NAV3: variants seen among roughly 807,000 people sequenced by gnomAD.
NAV3 encodes the protein pore membrane and/or filament interacting like protein 1.
Under a neutral mutation model 244.7 loss-of-function variants are expected in NAV3, and 87 were observed. The ratio of observed to expected loss-of-function variants is 0.36; its 90% confidence interval spans 0.30 to 0.42. The LOEUF (loss-of-function observed/expected upper bound fraction) is 0.42, where lower values mean the gene tolerates loss of function less well. Ranked by LOEUF, NAV3 falls within the 20% of genes least tolerant of loss-of-function variation. The pLI is 1.00. For synonymous variants in NAV3, 1,126 were observed against 1,042.2 expected (o/e 1.08, Z -1.55); for missense variants, 2,663 against 2,893.3 (o/e 0.92, Z 1.83).
chr12:77,714,126 A>G (rs1278829525), intron 2 of NAV3, among the ~76,000 whole-genome samples: 1 of 152,146 alleles, frequency 6.6e-6, no homozygotes, highest in Non-Finnish European at 1.5e-5. Flanking sequence ...GAAATTGTAA[A>G]TAAATTAATG....
At chr12:77,627,323 A>G (rs531723624) in intron 2 of NAV3, among the ~76,000 whole-genome samples, 56 of 152,320 alleles carry the variant, frequency 3.7e-4, no homozygotes, top group African/African-American at 1.3e-3. Context: ...CTAAAAATCA[A>G]TACAATCATT....
At chr12:77,986,421 A>G (rs1198897429) in intron 5 of NAV3, among the ~76,000 whole-genome samples, 1 of 152,206 alleles carries the variant, frequency 6.6e-6, no homozygotes, top group East Asian at 1.9e-4. Context: ...TATAATTACC[A>G]CAATAAATAA....
chr12:78,144,887 T>C (rs1366722395), intron 20 of NAV3, among the ~76,000 whole-genome samples: 1 of 121,332 alleles, frequency 8.2e-6, no homozygotes, highest in Non-Finnish European at 1.6e-5. Context: ...GCAGTGCACC[T>C]GAGTGATAGA....
chr12:77,923,988 G>A (rs193168522), intron 1 of NAV3, among the ~76,000 whole-genome samples: 15 of 152,228 alleles, frequency 9.9e-5, no homozygotes, highest in African/African-American at 3.6e-4. Context: ...CTGTACATAA[G>A]GGAGTTGTTC....
chr12:78,093,609 G>A (rs1204408632), intron 12 of NAV3, among the ~76,000 whole-genome samples: 1 of 151,832 alleles, frequency 6.6e-6, no homozygotes. Context: ...TAAACCCTCT[G>A]TTTTAGTTTG....
chr12:77,993,637 C>G (rs767504655), intron 5 of NAV3, among the ~76,000 whole-genome samples: 15 of 152,170 alleles, frequency 9.9e-5, no homozygotes, highest in Non-Finnish European at 2.2e-4. Flanking sequence ...GCTCCCACCA[C>G]CAACTAGCTC....
intron 12 of NAV3, among the ~76,000 whole-genome samples, chr12:78,106,865 A>G (rs1954828630): frequency 6.6e-6 from 1 of 152,160 alleles, no homozygotes; most frequent in African/African-American, 2.4e-5. Flanking sequence ...CCCACCTGAC[A>G]CTGCAGTCCT....
In NAV3 at chr12:78,177,646, A is replaced by G; in HGVS notation, c.5324A>G (p.Lys1775Arg). The change falls in exon 28 of 40, where the codon AAA (lysine) becomes AGA (arginine). Residue 1775 changes from lysine to arginine, a missense_variant. Lys to Arg is a conservative substitution (Grantham distance 26). Around this residue, in one of 6 missense-constraint regions of NAV3, gnomAD observed 193 missense variants for 200.7 expected, o/e 0.96. Transcript: ENST00000397909. ...TCACCCCTTGTCTGGCCACCAAAGA[A>G]ACGACAAAATGGCCCTGTGATCTAC... ...SASPLVWPPK[K>R]RQNGPVIYKH... is the part of the protein sequence containing the mutation. 1 of 1,597,370 alleles carries G rather than the reference A, an allele frequency of 6.3e-7. No homozygotes were observed. The highest frequency in any genetic ancestry group is 1.1e-5 in the South Asian group (1 of 91,052).
intron 2 of NAV3, among the ~76,000 whole-genome samples, chr12:77,782,034 A>G (rs181820487): frequency 5.4e-4 from 83 of 152,346 alleles, no homozygotes; most frequent in African/African-American, 1.9e-3. Context: ...TGAAGCCACT[A>G]TAAAAATATA....
At chr12:78,039,338 A>T (rs936177740) in intron 9 of NAV3, among the ~76,000 whole-genome samples, 1 of 152,016 alleles carries the variant, frequency 6.6e-6, no homozygotes, top group Admixed American at 6.6e-5. Flanking sequence ...TTAATTCTTT[A>T]CTCTTAGATA....
At chr12:78,094,559 C>T (rs943838167) in intron 12 of NAV3, among the ~76,000 whole-genome samples, 6 of 152,122 alleles carry the variant, frequency 3.9e-5, no homozygotes, top group African/African-American at 1.4e-4. Flanking sequence ...TATCCTAAAG[C>T]ATTTAACCTA....
chr12:77,616,051 G>T lies in NAV3; in HGVS notation c.72+43785G>T, dbSNP rs563574206. On this transcript the variant is annotated intron_variant, in intron 2 of 8. Transcript: ENST00000550042. ...ATTTTAGCAGAATTCATGTTGGAGT[G>T]TTTTTTCTAACTGATGTTTTATCCT... 9.9e-5 allele frequency among the ~76,000 whole-genome samples: 15 copies of T among 152,212 alleles called. No individual in the cohort carries two copies. The South Asian group carries it at 3.1e-3, about 32-fold the overall frequency.
At chr12:77,926,730 T>C (rs1888260828) in intron 1 of NAV3, among the ~76,000 whole-genome samples, 1 of 152,158 alleles carries the variant, frequency 6.6e-6, no homozygotes, top group South Asian at 2.1e-4. Context: ...ATTCAATAGA[T>C]CTAGGATGGG....
intron 12 of NAV3, among the ~76,000 whole-genome samples, chr12:78,099,868 A>C (rs1954451976): frequency 6.6e-6 from 1 of 151,966 alleles, no homozygotes; most frequent in African/African-American, 2.4e-5. Context: ...TGACTGCATA[A>C]ATCCCTTTTA....
intron 2 of NAV3, among the ~76,000 whole-genome samples, chr12:77,681,993 A>T (rs1874493586): frequency 6.6e-6 from 1 of 152,190 alleles, no homozygotes; most frequent in Non-Finnish European, 1.5e-5. Context: ...TGGTGAGGAC[A>T]CTTAAAATCT....
chr12:78,150,614 C>T (rs72615645), intron 22 of NAV3, among the ~76,000 whole-genome samples: 23,081 of 148,670 alleles, frequency 0.16, 2,076 homozygotes, highest in Admixed American at 0.29. Context: ...ACTTAATACA[C>T]ACGTGCAAAA....
At chr12:77,828,210 C>G (rs142694963), upstream of NAV3, among the ~76,000 whole-genome samples, 2 of 152,088 alleles carry the variant, frequency 1.3e-5, no homozygotes, top group African/African-American at 2.4e-5. Flanking sequence ...GTTATAAAAG[C>G]GAGCTTGGCC....
intron 5 of NAV3, among the ~76,000 whole-genome samples, chr12:77,990,236 C>A (rs1176785977): frequency 6.6e-6 from 1 of 152,258 alleles, no homozygotes; most frequent in South Asian, 2.1e-4. Context: ...AAATTCACCT[C>A]CCCAATTAAC....
At chr12:77,807,098 T>C (rs1592700186) in intron 2 of NAV3, among the ~76,000 whole-genome samples, 2 of 152,210 alleles carry the variant, frequency 1.3e-5, no homozygotes, top group East Asian at 3.8e-4. Flanking sequence ...CTCTCCTGAA[T>C]ATAGCACACC....
Sources: allele counts gnomAD v4.1 joint callset (sites outside exome capture counted in the v4.1 genomes callset), GRCh38; gene constraint gnomAD v4.1.1; regional missense constraint gnomAD v4.1.1; transcripts MANE v1.5; gene names NCBI Gene and HGNC (gene_info 2026-07-23, HGNC 2026-07-21).